The following EXOC4 variants were observed in gnomAD, a reference collection of about 807,000 sequenced individuals.
The protein encoded by EXOC4 is SEC8-like 1.
A neutral mutation model predicts 107.2 loss-of-function variants in EXOC4; 71 were observed. That is an observed-to-expected ratio of 0.66 (90% CI 0.55 to 0.81). The LOEUF is 0.81. Ranked by LOEUF, EXOC4 falls within the 30% of genes least tolerant of loss-of-function variation. EXOC4 has a pLI of 0.00. For synonymous variants in EXOC4, 456 were observed against 441.2 expected, an observed-to-expected ratio of 1.03 and a Z score of -0.42; for missense variants, 1,108 against 1,189.6, an observed-to-expected ratio of 0.93 and a Z score of 1.01.
chr7:134,005,776 C>T (rs1483778048), intron 16 of EXOC4, among the ~76,000 whole-genome samples: 1 of 152,166 alleles, frequency 6.6e-6, no homozygotes, highest in East Asian at 1.9e-4. Flanking sequence ...TGTGTTCTCT[C>T]ACAGAATTAA....
intron 7 of EXOC4, among the ~76,000 whole-genome samples, chr7:133,469,234 G>A (rs895004362): frequency 2.0e-5 from 3 of 152,068 alleles, no homozygotes; most frequent in South Asian, 2.1e-4. Flanking sequence ...TGGCTAACAC[G>A]GTGAAACCCC....
intron 5 of EXOC4, among the ~76,000 whole-genome samples, chr7:133,329,035 C>T (rs1795316664): frequency 1.3e-5 from 2 of 152,086 alleles, no homozygotes; most frequent in African/African-American, 4.8e-5. Flanking sequence ...TTCCATTCTC[C>T]CTGTCACTTT....
At chr7:133,960,183 T>G (rs900164052) in intron 14 of EXOC4, among the ~76,000 whole-genome samples, 1 of 152,128 alleles carries the variant, frequency 6.6e-6, no homozygotes, top group African/African-American at 2.4e-5. Context: ...CCTAATGTGT[T>G]AGGATTTATT....
chr7:133,539,663 C>G (rs1214131131), intron 9 of EXOC4, among the ~76,000 whole-genome samples: 1 of 151,990 alleles, frequency 6.6e-6, no homozygotes, highest in Non-Finnish European at 1.5e-5. Flanking sequence ...GATTTAATAA[C>G]TTGGAGGTTT....
chr7:133,550,088 T>G (rs1247807724), intron 9 of EXOC4, among the ~76,000 whole-genome samples: 1 of 152,208 alleles, frequency 6.6e-6, no homozygotes, highest in Non-Finnish European at 1.5e-5. Flanking sequence ...GAAGCCATGC[T>G]TTTTGTTACA....
intron 13 of EXOC4, among the ~76,000 whole-genome samples, chr7:133,934,377 G>C (rs1024584954): frequency 1.3e-5 from 2 of 152,108 alleles, no homozygotes; most frequent in African/African-American, 4.8e-5. Flanking sequence ...AGGTTGTTAG[G>C]GGGTGATTAT....
At chr7:133,522,591 G>A (rs1308025384) in intron 9 of EXOC4, among the ~76,000 whole-genome samples, 2 of 151,972 alleles carry the variant, frequency 1.3e-5, no homozygotes, top group African/African-American at 4.8e-5. Context: ...GGGCTCATTG[G>A]GCACAATTAT....
intron 5 of EXOC4, among the ~76,000 whole-genome samples, chr7:133,351,750 CTTAAGCTGTAAAA>C (rs1795915744): frequency 6.6e-6 from 1 of 151,716 alleles, no homozygotes. Flanking sequence ...TTTCAGATTC[CTTAAGCTGTAAAA>C]TTAAGCTGTT....
chr7:133,858,444 A>G (rs1381424222), intron 11 of EXOC4, among the ~76,000 whole-genome samples: 1 of 152,126 alleles, frequency 6.6e-6, no homozygotes, highest in Non-Finnish European at 1.5e-5. Flanking sequence ...AAAAAGCACC[A>G]CTTGACTGAC....
intron 14 of EXOC4, among the ~76,000 whole-genome samples, chr7:133,973,225 G>A (rs983661537): frequency 3.3e-5 from 5 of 152,000 alleles, no homozygotes; most frequent in Admixed American, 2.0e-4. Flanking sequence ...AATATGATTC[G>A]GCGACCATGG....
chr7:134,052,134 A>T (rs1795809326), intron 17 of EXOC4, among the ~76,000 whole-genome samples: 1 of 152,212 alleles, frequency 6.6e-6, no homozygotes, highest in African/African-American at 2.4e-5. Flanking sequence ...TTGGAGGCTT[A>T]GAAAGGACAG....
intron 9 of EXOC4, among the ~76,000 whole-genome samples, chr7:133,571,395 C>A (rs987035405): frequency 6.6e-6 from 1 of 152,114 alleles, no homozygotes; most frequent in Non-Finnish European, 1.5e-5. Context: ...GAAATTTAGG[C>A]CAGGCCCAGT....
At chr7:133,880,886 C>T (rs899219732) in intron 11 of EXOC4, among the ~76,000 whole-genome samples, 5 of 152,086 alleles carry the variant, frequency 3.3e-5, no homozygotes, top group African/African-American at 1.2e-4. Flanking sequence ...TTAACAGTAG[C>T]TTATGTGAAT....
chr7:133,747,358 T>C (rs1240501192), intron 10 of EXOC4, among the ~76,000 whole-genome samples: 1 of 152,174 alleles, frequency 6.6e-6, no homozygotes, highest in Non-Finnish European at 1.5e-5. Flanking sequence ...AAGACAACTG[T>C]ACGCTGAGTA....
At chr7:133,253,421 C>T (rs1794939576) in intron 1 of EXOC4, 1 of 1,292,568 alleles carries the variant, frequency 7.7e-7, no homozygotes, top group Non-Finnish European at 9.8e-7. Flanking sequence ...TCTTTAGGGG[C>T]AGCACCTTCT....
intron 11 of EXOC4, chr7:133,895,294 C>A (rs536354017): frequency 9.5e-6 from 2 of 209,790 alleles, no homozygotes; most frequent in East Asian, 2.8e-4. Flanking sequence ...GGCTCGCGCA[C>A]GGTGCGCGCA....
intron 7 of EXOC4, among the ~76,000 whole-genome samples, chr7:133,394,571 G>A (rs916318333): frequency 6.6e-6 from 1 of 152,168 alleles, no homozygotes; most frequent in African/African-American, 2.4e-5. Context: ...CAGTTATGAA[G>A]TGTTTTGTGG....
rs1210023844 is a variant in EXOC4, at chr7:133,423,225, CCAAAAAAAAAAAAAA to C, written c.1182+48224_1182+48238del. Among the ~76,000 whole-genome samples, 2 of 12,158 alleles carry C rather than the reference CCAAAAAAAAAAAAAA, an allele frequency of 1.6e-4. 1 individual carries two copies. Among genetic ancestry groups the C allele is most frequent in the Non-Finnish European group, 2.3e-4 (2 of 8,672 alleles). The allele number at this position is 12,158 out of a possible 152,430, so 8.0% of individuals were successfully genotyped here. A position where few individuals can be genotyped will look rare whatever the true frequency, so the allele number is the denominator to read the frequency against. On this transcript the variant is annotated intron_variant, in intron 7 of 17. Transcript: ENST00000253861. The stretch of plus-strand genomic sequence containing the variant: ...TGGGCGACAGAGCGAGACTCCGTCT[CCAAAAAAAAAAAAAA>C]AAAAAAAAAAAATAGAATTAATGGA...
chr7:133,715,109 A>G lies in EXOC4; in HGVS notation c.1514+84968A>G, dbSNP rs958607086. ...GTATAAATAAAGGAGGCTAGACAGC[A>G]GAGAATGGAAACTGTGGGCAGCCTT... On this transcript the variant is annotated intron_variant, in intron 10 of 17. Transcript: ENST00000253861. Among the ~76,000 whole-genome samples the G allele has an allele frequency of 3.1e-4, 47 of 152,214 alleles. 3 individuals are homozygous for G. Among genetic ancestry groups the G allele is most frequent in the Non-Finnish European group, 2.9e-5 (2 of 68,038 alleles).
Sources: gnomAD v4.1 joint callset for allele counts (sites outside exome capture counted in the v4.1 genomes callset) on GRCh38, gnomAD v4.1.1 for gene constraint, MANE v1.5 for transcripts, NCBI Gene and HGNC (gene_info 2026-07-23, HGNC 2026-07-21) for gene names.